PEX5: variants seen among roughly 807,000 people sequenced by gnomAD.
The protein encoded by PEX5 is PTS1 receptor.
A neutral mutation model predicts 82.9 loss-of-function variants in PEX5; 52 were observed. That is an observed-to-expected ratio of 0.63 (90% CI 0.50 to 0.79). The LOEUF (loss-of-function observed/expected upper bound fraction) is 0.79, where lower values mean the gene tolerates loss of function less well. PEX5 is among the 30% of genes least tolerant of loss of function. PEX5 has a pLI of 0.00. For missense variants in PEX5, 719 were observed against 815.2 expected (o/e 0.88, Z 1.44); for synonymous variants, 300 against 318.8 (o/e 0.94, Z 0.63).
chr12:7,198,601 C>G (rs988514386), intron 5 of PEX5, among the ~76,000 whole-genome samples: 2 of 152,126 alleles, frequency 1.3e-5, no homozygotes, highest in Admixed American at 1.3e-4. Flanking sequence ...AGACCAGTGC[C>G]TTGGTTAAGG....
At chr12:7,214,766 CATT>C (rs1304662041), downstream of PEX5, among the ~76,000 whole-genome samples, 8 of 151,758 alleles carry the variant, frequency 5.3e-5, no homozygotes, top group Non-Finnish European at 7.4e-5. Context: ...GTGAATGTTA[CATT>C]ATTCATGTTT....
At chr12:7,204,349 A>G (rs764901397) in intron 10 of PEX5, among the ~76,000 whole-genome samples, 1 of 152,356 alleles carries the variant, frequency 6.6e-6, no homozygotes. Flanking sequence ...CCAGGGCCTG[A>G]GATGCAAACC....
chr12:7,204,822 A>AT lies in PEX5; in HGVS notation c.966+1282dup, dbSNP rs558025485. On this transcript the variant is annotated intron_variant, in intron 10 of 15. Transcript: ENST00000675855. The stretch of plus-strand genomic sequence containing the variant: ...ATTTATGACATGCTGGCCAGAATAC[A>AT]TTTTTTTTTTTCAGACACATAGAAC... Among the ~76,000 whole-genome samples, 507 of 148,002 alleles carry AT rather than the reference A, an allele frequency of 3.4e-3. 3 individuals carry two copies. Among genetic ancestry groups the AT allele is most frequent in the African/African-American group, 0.011 (447 of 40,604 alleles).
chr12:7,200,833 G>C (rs963322639), intron 6 of PEX5, among the ~76,000 whole-genome samples: 9 of 152,070 alleles, frequency 5.9e-5, no homozygotes, highest in Non-Finnish European at 1.3e-4. Context: ...GAGCCGAGAT[G>C]GCAGCAGTAC....
rs1471211136 is a variant in PEX5 at position 7,194,355 on chromosome 12, A to T, written c.448+2655A>T. On this transcript the variant is annotated intron_variant, in intron 5 of 15. Coordinates refer to ENST00000675855, the MANE Select transcript of PEX5 (RefSeq NM_001351132.2). ...TATAGGAAGGTTCTGTATACCCTTCACCCAGTCTCCTCCAGTGGTAACATT... is the reference window on the plus strand; with the variant it reads ...TATAGGAAGGTTCTGTATACCCTTCTCCCAGTCTCCTCCAGTGGTAACATT... Among the ~76,000 whole-genome samples, 4 of 152,332 alleles carry T rather than the reference A, an allele frequency of 2.6e-5. No homozygotes were observed. The East Asian group carries it at 7.7e-4, about 29-fold the overall frequency.
chr12:7,203,427 T>TA lies in PEX5; in HGVS notation c.847-4dup. The TA allele has an allele frequency of 1.9e-6, 3 of 1,612,600 alleles. No homozygotes were observed. Among genetic ancestry groups the TA allele is most frequent in the Non-Finnish European group, 1.7e-6 (2 of 1,179,504 alleles). ...CTTTTTCTATCTGCTTTCCCTTCCT[T>TA]ACAGTCTGATGTCGATTTCTGGGAC... On this transcript the variant is annotated splice_polypyrimidine_tract_variant and splice_region_variant and intron_variant, in intron 9 of 15. Transcript: ENST00000675855.
intron 13 of PEX5, 87 bp from the exon 14 acceptor site, chr12:7,208,918 A>C: frequency 8.5e-7 from 1 of 1,178,734 alleles, no homozygotes; most frequent in African/African-American, 1.5e-5. Context: ...TGTTGGGGAT[A>C]TGGTTGATCA....
chr12:7,209,209 G>T, intron 14 of PEX5, 39 bp downstream of exon 14: 1 of 1,600,816 alleles, frequency 6.2e-7, no homozygotes, highest in South Asian at 1.1e-5. Flanking sequence ...ACATGACTGT[G>T]TACCTTATTG....
Position 7,197,557 on chromosome 12 carries a change from A to ATG in PEX5, c.449-1453_449-1452insGT, listed in dbSNP as rs1301852396. ...AATGTAATTATATATGTTATATATA[A>ATG]TATAATAAGTAGTAATTACTTATTA... On this transcript the variant is annotated intron_variant, in intron 5 of 15. Coordinates refer to ENST00000675855, the MANE Select transcript of PEX5 (RefSeq NM_001351132.2). Among the ~76,000 whole-genome samples the ATG allele has an allele frequency of 3.3e-3, 451 of 137,324 alleles. 39 individuals are homozygous for ATG. Among genetic ancestry groups the ATG allele is most frequent in the South Asian group, 8.5e-3 (33 of 3,868 alleles). The allele number at this position is 137,324 out of a possible 152,430, so 90.1% of individuals were successfully genotyped here.
downstream of PEX5, among the ~76,000 whole-genome samples, chr12:7,215,975 A>AT (rs965536122): frequency 1.3e-5 from 2 of 150,442 alleles, no homozygotes; most frequent in African/African-American, 5.0e-5. Flanking sequence ...TTAAAAAAAA[A>AT]TTTTTTTTTG....
At chr12:7,217,067 T>C (rs946090127) in intron 17 of PEX5, among the ~76,000 whole-genome samples, 1 of 152,216 alleles carries the variant, frequency 6.6e-6, no homozygotes, top group Non-Finnish European at 1.5e-5. Context: ...CTTTCCCAAG[T>C]AGAAAACCTT....
chr12:7,204,392 G>A (rs1944506599), intron 10 of PEX5, among the ~76,000 whole-genome samples: 1 of 152,198 alleles, frequency 6.6e-6, no homozygotes, highest in South Asian at 2.1e-4. Context: ...ATGTAATAAG[G>A]GAGCTATGCA....
Position 7,191,625 on chromosome 12 carries a change from G to A in PEX5, c.373G>A (p.Ala125Thr). ...SENWAQEFLA[A>T]GDAVDVTQDY... ...GAACTGGGCCCAGGAGTTTCTTGCA[G>A]CTGGAGATGCTGTGGATGTAACTCA... Residue 125 changes from alanine (A) to threonine (T), a missense_variant, in exon 5 of 16, where the codon GCT becomes ACT. By Grantham distance (58) the Ala-to-Thr change is moderately conservative. Transcript: ENST00000675855. The A allele has an allele frequency of 6.2e-7, 1 of 1,613,600 alleles. No individual in the cohort carries two copies. The highest frequency in any genetic ancestry group is 2.2e-5 in the East Asian group (1 of 44,890).
chr12:7,201,393 A>G (rs1335872762), intron 6 of PEX5, among the ~76,000 whole-genome samples: 1 of 152,188 alleles, frequency 6.6e-6, no homozygotes, highest in African/African-American at 2.4e-5. Context: ...CTTTTAAAAT[A>G]TATGTATATA....
At chr12:7,195,718 T>C (rs1435293519) in intron 5 of PEX5, among the ~76,000 whole-genome samples, 2 of 151,638 alleles carry the variant, frequency 1.3e-5, no homozygotes, top group Admixed American at 6.6e-5. Flanking sequence ...CAAAATACTC[T>C]AGTTGAGAGT....
At position 7,190,346 on chromosome 12, in the gene PEX5, C is replaced by G; in HGVS notation, c.-16-16C>G. On this transcript the variant is annotated splice_polypyrimidine_tract_variant and intron_variant, in intron 1 of 15. Transcript: ENST00000675855. ...TGGCTTGGGTACCTCAGTTCCAAAC[C>G]TCCTGTGTCCATCAGAGAGCTGGCG... 6.2e-7 allele frequency: 1 copy of G among 1,613,690 alleles called. No homozygotes were observed. Among genetic ancestry groups the G allele is most frequent in the Non-Finnish European group, 8.5e-7 (1 of 1,179,794 alleles).
chr12:7,198,703 T>C lies in PEX5; in HGVS notation c.449-308T>C, dbSNP rs750715409. ...AAGCCCTTCCGCTTCCTATTTCTTA[T>C]TGAAATATCTTGCACTTCAAGAAAA... On this transcript the variant is annotated intron_variant, in intron 5 of 15. Transcript: ENST00000675855. 5.1e-4 allele frequency among the ~76,000 whole-genome samples: 77 copies of C among 152,334 alleles called. 1 individual carries two copies. The highest frequency in any genetic ancestry group is 1.8e-3 in the African/African-American group (75 of 41,576).
In PEX5 at chr12:7,202,285, G is replaced by T. The variant is rs751973364; in HGVS notation, c.687G>T (p.Leu229=). Residue 229 remains leucine, a synonymous_variant, in exon 8 of 16, where the codon CTG becomes CTT. Coordinates refer to ENST00000675855, the MANE Select transcript of PEX5 (RefSeq NM_001351132.2). ...AGATTGGCGAAGGGCAGGTGTCCCT[G>T]GAGTCCGGTGCAGGGTCGGGCCGAG... ...VRQIGEGQVS[L]ESGAGSGRAQ... 2.9e-5 allele frequency: 47 copies of T among 1,614,022 alleles called. No individual in the cohort carries two copies. In the South Asian group the frequency reaches 5.2e-4, roughly 18 times the overall value.
chr12:7,189,800 C>T, intron 1 of PEX5, 50 bp downstream of exon 1: 2 of 720,324 alleles, frequency 2.8e-6, no homozygotes, highest in Non-Finnish European at 4.0e-6. Context: ...TGGGCCCTCC[C>T]CACCCTTGCG....
Sources: allele counts gnomAD v4.1 joint callset (sites outside exome capture counted in the v4.1 genomes callset), GRCh38; gene constraint gnomAD v4.1.1; transcripts MANE v1.5; gene names NCBI Gene and HGNC (gene_info 2026-07-23, HGNC 2026-07-21).